The following GDE1 variants were observed in gnomAD, a reference collection of about 807,000 sequenced individuals.
GDE1 encodes RGS16-interacting membrane protein.
A neutral mutation model predicts 32.2 loss-of-function variants in GDE1; 24 were observed. The ratio of observed to expected loss-of-function variants is 0.75; its 90% CI spans 0.54 to 1.05. GDE1 has a LOEUF of 1.05. GDE1 is among the 50% of genes least tolerant of loss of function. The pLI is 0.00. For missense variants in GDE1, 380 were observed against 415.0 expected (o/e 0.92, Z 0.73); for synonymous variants, 159 against 158.6 (o/e 1.00, Z -0.02).
intron 1 of GDE1, among the ~76,000 whole-genome samples, chr16:19,520,678 T>C (rs377693033): frequency 3.1e-4 from 46 of 147,288 alleles, no homozygotes; most frequent in Non-Finnish European, 5.6e-4. Flanking sequence ...TGCGTGGAGA[T>C]TGCACCACTG....
intron 5 of GDE1, chr16:19,504,323 A>C (rs1969217118): frequency 6.5e-6 from 1 of 153,558 alleles, no homozygotes; most frequent in African/African-American, 2.4e-5. Flanking sequence ...TCAACATGGA[A>C]CCTTGCAATA....
At chr16:19,513,280 A>G (rs538467462) in intron 2 of GDE1, among the ~76,000 whole-genome samples, 18 of 151,954 alleles carry the variant, frequency 1.2e-4, no homozygotes, top group African/African-American at 4.1e-4. Flanking sequence ...AAGTTTTCTC[A>G]TCAGTGTTTT....
chr16:19,519,959 T>A (rs1001641001), intron 1 of GDE1, among the ~76,000 whole-genome samples: 19 of 151,886 alleles, frequency 1.3e-4, no homozygotes, highest in African/African-American at 3.9e-4. Context: ...TTGCAGTGAG[T>A]TGAGATCGCC....
chr16:19,517,240 T>G, intron 1 of GDE1, 51 bp from the exon 2 acceptor site: 1 of 1,469,988 alleles, frequency 6.8e-7, no homozygotes, highest in Non-Finnish European at 9.5e-7. Flanking sequence ...AAACATTATT[T>G]TGCATCTAAC....
At chr16:19,511,997 T>C (rs533190960) in intron 2 of GDE1, among the ~76,000 whole-genome samples, 252 of 152,324 alleles carry the variant, frequency 1.7e-3, no homozygotes, top group Non-Finnish European at 2.8e-3. Context: ...ATTCTGTATC[T>C]TGGCTATTGT....
At position 19,516,886 on chromosome 16, in the gene GDE1, C is replaced by G. The variant is rs1011417848; in HGVS notation, c.437+128G>C. On this transcript the variant is annotated intron_variant, in intron 2 of 5. Coordinates refer to ENST00000353258, the MANE Select transcript of GDE1 (RefSeq NM_016641.4). ...GTTCCTGGCACTTGCTCATTACTTACAAGACCTACGTACAGTTCAAAACAA... is the reference window on the plus strand; with the variant it reads ...GTTCCTGGCACTTGCTCATTACTTAGAAGACCTACGTACAGTTCAAAACAA... 4 of 711,014 alleles carry G rather than the reference C, an allele frequency of 5.6e-6. No homozygotes were observed. In the South Asian group the frequency reaches 9.3e-5, roughly 17 times the overall value. The allele number at this position is 711,014 out of a possible 1,614,324, so 44.0% of individuals were successfully genotyped here.
At position 19,519,622 on chromosome 16, in the gene GDE1, A is replaced by G. The variant is rs147348030; in HGVS notation, c.261+2082T>C. Among the ~76,000 whole-genome samples, 959 of 152,250 alleles carry G rather than the reference A, an allele frequency of 6.3e-3. 14 individuals carry two copies. The highest frequency in any genetic ancestry group is 0.04 in the South Asian group (193 of 4,830). ...TGGAACTGAACTTGCAATATCTCCTATATATACTAATATGTGAATTAGAAC... is the reference window on the plus strand; with the variant it reads ...TGGAACTGAACTTGCAATATCTCCTGTATATACTAATATGTGAATTAGAAC... On this transcript the variant is annotated intron_variant, in intron 1 of 5. Transcript: ENST00000353258.
At position 19,502,855 on chromosome 16, in the gene GDE1, T is replaced by G. The variant is rs1048787490; in HGVS notation, c.*615A>C. On this transcript the variant is annotated 3_prime_UTR_variant, in exon 6 of 6. Transcript: ENST00000353258. ...CCCCCTGGTGGTTTGCAGCTCTCTA[T>G]TCAAGATGCTATAAATCCCTCATTG... 1 of 152,332 alleles carries G rather than the reference T, an allele frequency of 6.6e-6. No homozygotes were observed. Among genetic ancestry groups the G allele is most frequent in the Non-Finnish European group, 1.5e-5 (1 of 68,146 alleles). 9.4% of individuals were successfully genotyped at this position (152,332 alleles called of 1,614,324 possible).
At chr16:19,518,018 G>A (rs750303318) in intron 1 of GDE1, among the ~76,000 whole-genome samples, 16 of 151,772 alleles carry the variant, frequency 1.1e-4, no homozygotes, top group South Asian at 4.2e-4. Context: ...CTCCCAAGTA[G>A]CCGGGACTAC....
At chr16:19,503,779 G>A (rs1316185494) in intron 5 of GDE1, 162 bp from the exon 6 acceptor site, 5 of 597,640 alleles carry the variant, frequency 8.4e-6, no homozygotes, top group East Asian at 5.6e-5. Flanking sequence ...CAAAACCCAG[G>A]ATGCCATGAA....
rs780723543 is a variant in GDE1, at chr16:19,504,880, C to T, written c.848+1G>A. 6.9e-6 allele frequency: 11 copies of T among 1,592,838 alleles called. No homozygotes were observed. Among genetic ancestry groups the T allele is most frequent in the South Asian group, 4.4e-5 (4 of 90,042 alleles). On this transcript the variant is annotated splice_donor_variant, in intron 5 of 5. Coordinates refer to ENST00000353258, the MANE Select transcript of GDE1 (RefSeq NM_016641.4). LOFTEE classifies it high-confidence loss of function. ...GTAAAATAAAAAACCTTCCAACTTA[C>T]GGGGATACAAAATCCTTTTGCATGA...
At chr16:19,504,772 A>G (rs1969223258) in intron 5 of GDE1, 109 bp downstream of exon 5, 1 of 681,156 alleles carries the variant, frequency 1.5e-6, no homozygotes, top group Non-Finnish European at 2.5e-6. Context: ...AGGTATGGTA[A>G]GCTTTGCAGG....
At chr16:19,516,354 T>A (rs773595252) in intron 2 of GDE1, among the ~76,000 whole-genome samples, 17 of 152,186 alleles carry the variant, frequency 1.1e-4, no homozygotes, top group Non-Finnish European at 2.2e-4. Flanking sequence ...TCTGGGATTA[T>A]ATCTAAAGGC....
At chr16:19,507,141 AAAATAAATAAATAAAT>A (rs79540258) in intron 4 of GDE1, among the ~76,000 whole-genome samples, 77 of 143,482 alleles carry the variant, frequency 5.4e-4, no homozygotes, top group East Asian at 1.4e-3. Flanking sequence ...CCCGTCTTTT[AAAATAAATAAATAAAT>A]AAATAAATAA....
At chr16:19,507,575 T>C (rs1969263417) in intron 4 of GDE1, 112 bp downstream of exon 4, 2 of 681,416 alleles carry the variant, frequency 2.9e-6, no homozygotes, top group East Asian at 2.5e-5. Context: ...GCTTCTCAAC[T>C]GTGACCCTGA....
At chr16:19,508,877 C>T (rs375989476) in intron 3 of GDE1, among the ~76,000 whole-genome samples, 22 of 152,352 alleles carry the variant, frequency 1.4e-4, no homozygotes, top group African/African-American at 4.6e-4. Flanking sequence ...ACACTTGTGC[C>T]TTTCTACTAC....
intron 3 of GDE1, among the ~76,000 whole-genome samples, chr16:19,510,485 C>T (rs1049847726): frequency 1.3e-5 from 2 of 151,956 alleles, no homozygotes; most frequent in African/African-American, 4.8e-5. Flanking sequence ...TGTACAACTT[C>T]GGAATTCCTT....
intron 1 of GDE1, 43 bp downstream of exon 1, chr16:19,521,661 G>A (rs770056731): frequency 7.5e-6 from 12 of 1,593,826 alleles, no homozygotes; most frequent in African/African-American, 1.3e-5. Flanking sequence ...GTAGAAGTCC[G>A]AGCTCTCGGG....
chr16:19,521,262 T>C (rs116020482), intron 1 of GDE1: 3,234 of 162,256 alleles, frequency 0.02, 105 homozygotes, highest in African/African-American at 0.071. Context: ...GTTCAAATGT[T>C]GCTTCTTCGG....
Sources: gnomAD v4.1 joint callset for allele counts (sites outside exome capture counted in the v4.1 genomes callset) on GRCh38, gnomAD v4.1.1 for gene constraint, MANE v1.5 for transcripts, NCBI Gene and HGNC (gene_info 2026-07-23, HGNC 2026-07-21) for gene names.